Variants in SIPA1L2 observed in about 807,000 individuals in gnomAD.
The protein encoded by SIPA1L2 is signal-induced proliferation-associated 1-like protein 2.
In SIPA1L2, 56 loss-of-function variants were observed where a neutral mutation model predicts 163.9. The ratio of observed to expected loss-of-function variants is 0.34; its 90% CI spans 0.28 to 0.43. The LOEUF is 0.43. SIPA1L2 is among the 20% of genes least tolerant of loss of function. The pLI, the probability that SIPA1L2 is intolerant of heterozygous loss-of-function variation, is 1.00. For missense variants in SIPA1L2, 1,974 were observed against 2,193.5 expected (o/e 0.90, Z 2.00); for synonymous variants, 877 against 865.7 (o/e 1.01, Z -0.23).
At chr1:232,476,407 A>T (rs1346148567) in intron 7 of SIPA1L2, among the ~76,000 whole-genome samples, 2 of 152,218 alleles carry the variant, frequency 1.3e-5, no homozygotes, top group African/African-American at 4.8e-5. Flanking sequence ...ACTGTGTGCC[A>T]GGCACTGAGG....
intron 1 of SIPA1L2, among the ~76,000 whole-genome samples, chr1:232,584,311 G>A (rs55884698): frequency 0.28 from 43,251 of 151,880 alleles, 6,685 homozygotes; most frequent in Non-Finnish European, 0.35. Context: ...TGCAACCTCC[G>A]CCTCCCAGGT....
At chr1:232,402,570 G>A (rs924870536) in intron 21 of SIPA1L2, 97 bp from the exon 22 acceptor site, 4 of 948,246 alleles carry the variant, frequency 4.2e-6, no homozygotes, top group Non-Finnish European at 6.4e-6. Flanking sequence ...CATGTGCTTA[G>A]AGCCCAGCAA....
chr1:232,415,580 C>T lies in SIPA1L2; in HGVS notation c.4676G>A (p.Cys1559Tyr), dbSNP rs866626448. The change falls in exon 19 of 23, where the codon TGC becomes TAC. Residue 1559 changes from cysteine to tyrosine, a missense_variant. Transcript: ENST00000674635. ...SDGSLSDKSK[C>Y]ADPGLMPLPD... is the part of the protein sequence containing the mutation. Reference sequence around the variant, plus strand: ...GAGGGGCATCAGGCCAGGATCTGCGCACTTGGACTTATCTGATAAGGACCC... The same window carrying T: ...GAGGGGCATCAGGCCAGGATCTGCGTACTTGGACTTATCTGATAAGGACCC... The T allele has an allele frequency of 1.9e-6, 3 of 1,613,896 alleles. No homozygotes were observed. Among genetic ancestry groups the T allele is most frequent in the Non-Finnish European group, 2.5e-6 (3 of 1,179,958 alleles).
intron 3 of SIPA1L2, 43 bp from the exon 4 acceptor site, chr1:232,493,703 G>A: frequency 1.2e-6 from 2 of 1,610,996 alleles, no homozygotes; most frequent in Non-Finnish European, 8.5e-7. Context: ...AATGAAAAAG[G>A]AACAAAGAGC....
chr1:232,546,524 C>T (rs1658041099), intron 2 of SIPA1L2, among the ~76,000 whole-genome samples: 1 of 152,158 alleles, frequency 6.6e-6, no homozygotes, highest in South Asian at 2.1e-4. Context: ...GACAACATGG[C>T]ACTTGACTCT....
intron 2 of SIPA1L2, among the ~76,000 whole-genome samples, chr1:232,530,389 C>T (rs1466285106): frequency 1.3e-5 from 2 of 152,170 alleles, no homozygotes; most frequent in African/African-American, 4.8e-5. Context: ...GCTGGGATTA[C>T]AGGCGTGAGC....
chr1:232,418,331 C>T (rs1661379137), intron 18 of SIPA1L2, among the ~76,000 whole-genome samples: 1 of 152,226 alleles, frequency 6.6e-6, no homozygotes, highest in African/African-American at 2.4e-5. Context: ...TTCCCCTTCC[C>T]CTGGTCCCTC....
chr1:232,437,700 C>G (rs1259666809), intron 15 of SIPA1L2, among the ~76,000 whole-genome samples: 1 of 152,112 alleles, frequency 6.6e-6, no homozygotes, highest in Non-Finnish European at 1.5e-5. Context: ...TACCCCCTAA[C>G]CACGTGATTA....
At chr1:232,581,269 T>C (rs1178653739) in intron 1 of SIPA1L2, among the ~76,000 whole-genome samples, 1 of 152,164 alleles carries the variant, frequency 6.6e-6, no homozygotes, top group Non-Finnish European at 1.5e-5. Context: ...TTCAAGGATA[T>C]GTGCAGGCCA....
chr1:232,463,568 A>T (rs546642424), intron 9 of SIPA1L2, among the ~76,000 whole-genome samples: 1 of 152,364 alleles, frequency 6.6e-6, no homozygotes, highest in Admixed American at 6.5e-5. Context: ...CGAATAGCAA[A>T]TGTATAAAAG....
intron 1 of SIPA1L2, among the ~76,000 whole-genome samples, chr1:232,617,275 A>C (rs1008746955): frequency 1.3e-5 from 2 of 152,228 alleles, no homozygotes; most frequent in African/African-American, 2.4e-5. Flanking sequence ...CTAACAAAAG[A>C]AGCACCTCAT....
At chr1:232,611,709 C>T (rs1310446586) in intron 1 of SIPA1L2, among the ~76,000 whole-genome samples, 1 of 152,080 alleles carries the variant, frequency 6.6e-6, no homozygotes, top group African/African-American at 2.4e-5. Flanking sequence ...GTGCTGTTAA[C>T]GGCATTCAGT....
intron 2 of SIPA1L2, among the ~76,000 whole-genome samples, chr1:232,530,749 G>A (rs1176129314): frequency 6.6e-6 from 1 of 152,100 alleles, no homozygotes; most frequent in Non-Finnish European, 1.5e-5. Context: ...ATTTTAGAAG[G>A]GAGTTGTCAT....
chr1:232,408,354 G>A lies in SIPA1L2; in HGVS notation c.4763-4176C>T, dbSNP rs1572852526. Among the ~76,000 whole-genome samples the A allele has an allele frequency of 2.0e-5, 3 of 150,878 alleles. No homozygotes were observed. The South Asian group carries it at 6.3e-4, about 32-fold the overall frequency. On this transcript the variant is annotated intron_variant, in intron 19 of 22. Transcript: ENST00000674635. The stretch of plus-strand genomic sequence containing the variant: ...TGATCACTTATTAATTTTTTTAAAT[G>A]CACAATATTTTTCTATTGGAAGCTT...
At chr1:232,588,445 G>T (rs1660785803) in intron 1 of SIPA1L2, among the ~76,000 whole-genome samples, 4 of 151,726 alleles carry the variant, frequency 2.6e-5, no homozygotes, top group South Asian at 2.1e-4. Flanking sequence ...TTCATGACAA[G>T]AATTTTTGAT....
In SIPA1L2 at chr1:232,521,388, C is replaced by A. The variant is rs1667451379; in HGVS notation, c.-269-5780G>T. Among the ~76,000 whole-genome samples the A allele has an allele frequency of 2.0e-5, 3 of 152,288 alleles. 1 individual carries two copies. The highest frequency in any genetic ancestry group is 6.8e-3 in the Middle Eastern group (2 of 294). On this transcript the variant is annotated intron_variant, in intron 2 of 22. Coordinates refer to ENST00000674635, the MANE Select transcript of SIPA1L2 (RefSeq NM_020808.5). ...GTAAAGCAGGACCTCAATAAAGAAA[C>A]CCTGAAGGATTTAGTCTCCACAAGA...
chr1:232,558,313 GC>G (rs1298083536), intron 2 of SIPA1L2, among the ~76,000 whole-genome samples: 1 of 152,202 alleles, frequency 6.6e-6, no homozygotes. Flanking sequence ...AGGACCCTCA[GC>G]CACTAGATGG....
chr1:232,580,902 C>G (rs1573118376), intron 1 of SIPA1L2, among the ~76,000 whole-genome samples: 2 of 152,310 alleles, frequency 1.3e-5, no homozygotes, highest in East Asian at 3.9e-4. Flanking sequence ...CCTTCACTCT[C>G]TTTACCATCA....
intron 10 of SIPA1L2, among the ~76,000 whole-genome samples, chr1:232,448,046 T>C (rs538145110): frequency 2.0e-5 from 3 of 152,330 alleles, no homozygotes; most frequent in East Asian, 1.9e-4. Context: ...TTAGTTACCA[T>C]AGTTGCTCTC....
Sources: gnomAD v4.1 joint callset for allele counts (sites outside exome capture counted in the v4.1 genomes callset) on GRCh38, gnomAD v4.1.1 for gene constraint, MANE v1.5 for transcripts, NCBI Gene and HGNC (gene_info 2026-07-23, HGNC 2026-07-21) for gene names.